The following SPAG16 variants were observed in gnomAD, a reference collection of about 807,000 sequenced individuals.
SPAG16 encodes sperm associated antigen 16.
SPAG16 carries 86 observed loss-of-function variants against 80.4 expected under a neutral mutation model. The observed-to-expected ratio is 1.07, with a 90% confidence interval of 0.90 to 1.28. The LOEUF is 1.28. Ranked by LOEUF, SPAG16 falls within the 50% of genes most tolerant of loss-of-function variation. The pLI, the probability that SPAG16 is intolerant of heterozygous loss-of-function variation, is 0.00. For synonymous variants in SPAG16, 294 were observed against 265.9 expected (o/e 1.11, Z -1.03); for missense variants, 870 against 765.3 (o/e 1.14, Z -1.61).
chr2:213,902,477 C>T (rs1486808868), intron 11 of SPAG16, among the ~76,000 whole-genome samples: 2 of 152,112 alleles, frequency 1.3e-5, no homozygotes, highest in African/African-American at 2.4e-5. Context: ...AGCAGAAACC[C>T]CTAATAAAAC....
chr2:213,860,858 G>C (rs756730764), intron 10 of SPAG16, among the ~76,000 whole-genome samples: 1 of 152,164 alleles, frequency 6.6e-6, no homozygotes, highest in Non-Finnish European at 1.5e-5. Flanking sequence ...CAGGAAAGCT[G>C]TGAGCCAACA....
chr2:213,711,407 T>A (rs1318913364), intron 10 of SPAG16, among the ~76,000 whole-genome samples: 2 of 152,112 alleles, frequency 1.3e-5, no homozygotes, highest in African/African-American at 4.8e-5. Flanking sequence ...AAAAACTCAT[T>A]TCCTGTGACC....
chr2:213,976,664 T>G (rs2045426235), intron 12 of SPAG16, among the ~76,000 whole-genome samples: 1 of 151,712 alleles, frequency 6.6e-6, no homozygotes, highest in Admixed American at 6.6e-5. Flanking sequence ...TGAGAAAAAT[T>G]TGTGTGCCAT....
intron 15 of SPAG16, among the ~76,000 whole-genome samples, chr2:214,353,698 G>C (rs1698574582): frequency 6.6e-6 from 1 of 152,082 alleles, no homozygotes; most frequent in African/African-American, 2.4e-5. Context: ...AGATTTCAAA[G>C]ATATTTAAAC....
intron 15 of SPAG16, among the ~76,000 whole-genome samples, chr2:214,203,589 G>C (rs572661403): frequency 1.3e-5 from 2 of 152,234 alleles, no homozygotes; most frequent in South Asian, 4.1e-4. Flanking sequence ...ATAAGGATTT[G>C]ACCTTACCTG....
intron 10 of SPAG16, among the ~76,000 whole-genome samples, chr2:213,726,610 T>TA (rs2066779755): frequency 6.6e-6 from 1 of 152,222 alleles, no homozygotes; most frequent in Non-Finnish European, 1.5e-5. Flanking sequence ...TGTGCCCACA[T>TA]ACGCACCACA....
At chr2:214,205,981 T>C (rs112940384) in intron 15 of SPAG16, among the ~76,000 whole-genome samples, 335 of 151,974 alleles carry the variant, frequency 2.2e-3, no homozygotes, top group African/African-American at 7.9e-3. Flanking sequence ...GATTACGAGG[T>C]CAGGAGATCC....
chr2:214,145,247 C>T (rs972657386), intron 14 of SPAG16, among the ~76,000 whole-genome samples: 1 of 152,052 alleles, frequency 6.6e-6, no homozygotes, highest in Non-Finnish European at 1.5e-5. Context: ...TGTCTCTCTG[C>T]ATCTGTTGAT....
intron 10 of SPAG16, among the ~76,000 whole-genome samples, chr2:213,613,332 C>T (rs1387648389): frequency 6.6e-6 from 1 of 152,140 alleles, no homozygotes; most frequent in Non-Finnish European, 1.5e-5. Context: ...AAGCTGAAGT[C>T]CTTCTAATTA....
At chr2:214,191,305 T>C (rs1348185497) in intron 15 of SPAG16, among the ~76,000 whole-genome samples, 1 of 152,192 alleles carries the variant, frequency 6.6e-6, no homozygotes, top group Non-Finnish European at 1.5e-5. Flanking sequence ...GTGGGAGCTA[T>C]GCATTTTCAA....
intron 15 of SPAG16, among the ~76,000 whole-genome samples, chr2:214,255,963 C>T (rs140461560): frequency 3.3e-5 from 5 of 151,832 alleles, no homozygotes; most frequent in Non-Finnish European, 5.9e-5. Context: ...TTTCATTTCT[C>T]GTGAGTAAAC....
intron 15 of SPAG16, among the ~76,000 whole-genome samples, chr2:214,158,548 A>G (rs1197164706): frequency 6.6e-6 from 1 of 152,050 alleles, no homozygotes; most frequent in African/African-American, 2.4e-5. Context: ...AAGTCTTCTT[A>G]CAGGACTATA....
At chr2:213,475,464 G>T (rs896215960) in intron 9 of SPAG16, among the ~76,000 whole-genome samples, 2 of 152,122 alleles carry the variant, frequency 1.3e-5, no homozygotes, top group African/African-American at 2.4e-5. Context: ...CAGGTGGTTT[G>T]TTACCCACCT....
chr2:213,864,368 T>C (rs1026615970), intron 11 of SPAG16, among the ~76,000 whole-genome samples: 1 of 152,108 alleles, frequency 6.6e-6, no homozygotes, highest in African/African-American at 2.4e-5. Flanking sequence ...ATATATTTCC[T>C]ATCTCATGGT....
intron 12 of SPAG16, among the ~76,000 whole-genome samples, chr2:213,984,898 C>A (rs140557641): frequency 2.6e-5 from 4 of 152,232 alleles, no homozygotes; most frequent in Non-Finnish European, 4.4e-5. Context: ...ATGGCTTATT[C>A]CCTCACTTCA....
intron 14 of SPAG16, among the ~76,000 whole-genome samples, chr2:214,117,551 A>G (rs1171494959): frequency 6.6e-6 from 1 of 152,184 alleles, no homozygotes; most frequent in African/African-American, 2.4e-5. Context: ...CAACAACAAC[A>G]ACAACCAACA....
intron 15 of SPAG16, among the ~76,000 whole-genome samples, chr2:214,347,966 C>A (rs913924508): frequency 3.9e-5 from 6 of 152,166 alleles, no homozygotes; most frequent in African/African-American, 1.4e-4. Flanking sequence ...CTTAGAGGGG[C>A]AGTTCTGGGT....
At chr2:213,579,688 T>C (rs2060239602) in intron 10 of SPAG16, among the ~76,000 whole-genome samples, 1 of 152,144 alleles carries the variant, frequency 6.6e-6, no homozygotes, top group African/African-American at 2.4e-5. Flanking sequence ...TCGATGTCCC[T>C]TTACATTGAT....
Position 213,297,965 on chromosome 2 carries a change from C to A in SPAG16, c.279+608C>A, listed in dbSNP as rs535595213. On this transcript the variant is annotated intron_variant, in intron 3 of 15. Transcript: ENST00000331683. ...CAACATTAAGAAGCATGCTTTCTTT[C>A]AGTGTTTAACCCCTTTACTACAGAG... Among the ~76,000 whole-genome samples the A allele has an allele frequency of 4.6e-5, 7 of 152,098 alleles. 1 individual carries two copies. The highest frequency in any genetic ancestry group is 7.4e-5 in the Non-Finnish European group (5 of 67,986).
Sources: gnomAD v4.1 joint callset for allele counts (sites outside exome capture counted in the v4.1 genomes callset) on GRCh38, gnomAD v4.1.1 for gene constraint, MANE v1.5 for transcripts, NCBI Gene and HGNC (gene_info 2026-07-23, HGNC 2026-07-21) for gene names.